LANCL2: variants seen among roughly 807,000 people sequenced by gnomAD.
LANCL2 encodes lanC-like protein 2.
LANCL2 carries 33 observed loss-of-function variants against 56.9 expected under a neutral mutation model. The ratio of observed to expected loss-of-function variants is 0.58; its 90% CI spans 0.44 to 0.78. The LOEUF (loss-of-function observed/expected upper bound fraction) is 0.78, where lower values mean the gene tolerates loss of function less well. Ranked by LOEUF, LANCL2 falls within the 30% of genes least tolerant of loss-of-function variation. The pLI is 0.00. For synonymous variants in LANCL2, 233 were observed against 228.2 expected, an observed-to-expected ratio of 1.02 and a Z score of -0.19; for missense variants, 562 against 580.2, an observed-to-expected ratio of 0.97 and a Z score of 0.32.
At chr7:55,369,730 T>G (rs1222589639) in intron 1 of LANCL2, among the ~76,000 whole-genome samples, 1 of 152,138 alleles carries the variant, frequency 6.6e-6, no homozygotes, top group African/African-American at 2.4e-5. Context: ...GATGTTCAAG[T>G]CCAACCAGGA....
Position 55,390,050 on chromosome 7 carries a change from C to G in LANCL2, c.205-1743C>G, listed in dbSNP as rs1181205122. 3.9e-5 allele frequency among the ~76,000 whole-genome samples: 6 copies of G among 152,172 alleles called. No homozygotes were observed. In the East Asian group the frequency reaches 1.2e-3, roughly 29 times the overall value. ...AAGGTTTACTTTTAGTCCAGAATCC[C>G]AAATTTCAGTAGAATTTGCCCTCAA... On this transcript the variant is annotated intron_variant, in intron 1 of 8. Coordinates refer to ENST00000254770, the MANE Select transcript of LANCL2 (RefSeq NM_018697.4).
At chr7:55,427,480 A>G (rs1790677075) in intron 7 of LANCL2, among the ~76,000 whole-genome samples, 1 of 152,256 alleles carries the variant, frequency 6.6e-6, no homozygotes. Flanking sequence ...CATAAACCAA[A>G]GCATAGGTTG....
At chr7:55,367,366 T>C (rs1789887195) in intron 1 of LANCL2, among the ~76,000 whole-genome samples, 1 of 152,182 alleles carries the variant, frequency 6.6e-6, no homozygotes, top group South Asian at 2.1e-4. Context: ...AAAGAGCCAT[T>C]GGTCTGAATA....
chr7:55,405,768 G>A (rs1790399450), intron 5 of LANCL2, among the ~76,000 whole-genome samples: 1 of 152,068 alleles, frequency 6.6e-6, no homozygotes, highest in South Asian at 2.1e-4. Flanking sequence ...ACTTCCTTGG[G>A]AGGAATACAA....
In LANCL2 at chr7:55,409,152, G is replaced by A. The variant is rs189229587; in HGVS notation, c.826-2755G>A. Among the ~76,000 whole-genome samples, 86 of 148,984 alleles carry A rather than the reference G, an allele frequency of 5.8e-4. 2 individuals carry two copies. The highest frequency in any genetic ancestry group is 2.0e-3 in the African/African-American group (80 of 40,500). ...TGCCCAGGCTGGAGTGCACTGGCGC[G>A]AACTCGGCTCACTGCAAGCTCTGCC... On this transcript the variant is annotated intron_variant, in intron 5 of 8. Transcript: ENST00000254770.
At chr7:55,376,780 T>A (rs140426279) in intron 1 of LANCL2, among the ~76,000 whole-genome samples, 2 of 152,374 alleles carry the variant, frequency 1.3e-5, no homozygotes, top group East Asian at 3.9e-4. Flanking sequence ...TTTGTCTCAT[T>A]AGACCAGGAA....
chr7:55,374,157 T>C (rs900022444), intron 1 of LANCL2, among the ~76,000 whole-genome samples: 2 of 152,208 alleles, frequency 1.3e-5, no homozygotes, highest in African/African-American at 2.4e-5. Context: ...AGTTTATTAA[T>C]ACATTGTCAC....
chr7:55,397,643 A>G (rs1402708303), intron 2 of LANCL2, among the ~76,000 whole-genome samples: 1 of 138,582 alleles, frequency 7.2e-6, no homozygotes, highest in African/African-American at 2.7e-5. Context: ...GTAAATACAT[A>G]TTTATACTGA....
intron 1 of LANCL2, among the ~76,000 whole-genome samples, chr7:55,369,231 A>G (rs1789910481): frequency 6.6e-6 from 1 of 152,174 alleles, no homozygotes; most frequent in Admixed American, 6.5e-5. Context: ...ACTTTGTGGT[A>G]TCCCTAGGGT....
intron 7 of LANCL2, 100 bp from the exon 8 acceptor site, chr7:55,428,275 G>T: frequency 3.9e-6 from 4 of 1,028,750 alleles, no homozygotes; most frequent in East Asian, 2.4e-5. Flanking sequence ...TACAGCTGGG[G>T]GTCCACTTCC....
At chr7:55,421,369 C>T (rs1423211461) in intron 6 of LANCL2, among the ~76,000 whole-genome samples, 3 of 113,030 alleles carry the variant, frequency 2.7e-5, no homozygotes, top group East Asian at 2.9e-4. Context: ...GATGGAGTGT[C>T]GCTTTGTCAC....
At chr7:55,370,490 A>G (rs1232296864) in intron 1 of LANCL2, among the ~76,000 whole-genome samples, 2 of 152,224 alleles carry the variant, frequency 1.3e-5, no homozygotes, top group Non-Finnish European at 2.9e-5. Flanking sequence ...GGTCATTGCC[A>G]TACCTCATTG....
Position 55,404,130 on chromosome 7 carries a change from T to C in LANCL2, c.825+2810T>C, listed in dbSNP as rs1248243483. Among the ~76,000 whole-genome samples the C allele has an allele frequency of 3.9e-5, 6 of 152,324 alleles. No homozygotes were observed. The East Asian group carries it at 1.2e-3, about 29-fold the overall frequency. ...ATCAGGCCAGTAGAGACCCCATAAC[T>C]AAACATTGCTTCAGGCTGTGCTTGG... is the stretch of plus-strand genomic sequence containing the variant. On this transcript the variant is annotated intron_variant, in intron 5 of 8. Transcript: ENST00000254770.
chr7:55,401,130 T>A (rs367631186), intron 4 of LANCL2, 44 bp from the exon 5 acceptor site: 5 of 1,553,354 alleles, frequency 3.2e-6, no homozygotes, highest in Non-Finnish European at 4.4e-6. Flanking sequence ...TACAACAGGG[T>A]ACATATACAG....
chr7:55,420,814 C>T (rs568846523), intron 6 of LANCL2, among the ~76,000 whole-genome samples: 23 of 152,270 alleles, frequency 1.5e-4, no homozygotes, highest in African/African-American at 4.1e-4. Context: ...ATATTTGTTT[C>T]GGCTGTTTGT....
chr7:55,397,120 A>T (rs1790262031), intron 2 of LANCL2: 2 of 152,208 alleles, frequency 1.3e-5, no homozygotes, highest in East Asian at 1.9e-4. Context: ...ATATACCCTG[A>T]ATAGAAAAAT....
At chr7:55,366,398 C>G (rs1031949408) in intron 1 of LANCL2, among the ~76,000 whole-genome samples, 169 bp downstream of exon 1, 1 of 152,230 alleles carries the variant, frequency 6.6e-6, no homozygotes, top group African/African-American at 2.4e-5. Flanking sequence ...GCTTAGGGTC[C>G]GTGGGCTTCA....
At chr7:55,399,823 G>A in intron 3 of LANCL2, 134 bp from the exon 4 acceptor site, 1 of 625,906 alleles carries the variant, frequency 1.6e-6, no homozygotes, top group East Asian at 3.0e-5. Context: ...TTCTGGATTT[G>A]GGAGTATTTT....
chr7:55,405,509 T>G (rs1274236184), intron 5 of LANCL2, among the ~76,000 whole-genome samples: 4 of 151,320 alleles, frequency 2.6e-5, no homozygotes, highest in Non-Finnish European at 5.9e-5. Context: ...TTTTTTTTTT[T>G]TGGGACAGGG....
Sources: gnomAD v4.1 joint callset for allele counts (sites outside exome capture counted in the v4.1 genomes callset) on GRCh38, gnomAD v4.1.1 for gene constraint, MANE v1.5 for transcripts, NCBI Gene and HGNC (gene_info 2026-07-23, HGNC 2026-07-21) for gene names.